Variants in MARK2 observed in about 807,000 individuals in gnomAD.
MARK2 encodes microtubule affinity regulating kinase 2, also known as serine/threonine-protein kinase MARK2.
In MARK2, 16 loss-of-function variants were observed where a neutral mutation model predicts 89.8. The ratio of observed to expected loss-of-function variants is 0.18; its 90% confidence interval spans 0.12 to 0.27. MARK2 has a LOEUF of 0.27. Ranked by LOEUF, MARK2 falls within the 10% of genes least tolerant of loss-of-function variation. MARK2 has a pLI of 1.00. For synonymous variants in MARK2, 382 were observed against 399.5 expected (o/e 0.96, Z 0.52); for missense variants, 621 against 1,049.9 (o/e 0.59, Z 5.65).
chr11:63,839,587 T>G (rs1454772098), intron 1 of MARK2, 27 bp downstream of exon 1: 9 of 1,465,134 alleles, frequency 6.1e-6, no homozygotes, highest in Non-Finnish European at 7.4e-6. Context: ...GCTCCCCGAA[T>G]TCTCTGGCTG....
intron 1 of MARK2, 41 bp downstream of exon 1, chr11:63,839,601 C>T: frequency 7.7e-7 from 1 of 1,305,738 alleles, no homozygotes; most frequent in South Asian, 1.3e-5. Flanking sequence ...CTGGCTGGGC[C>T]CTTTGCACCT....
intron 1 of MARK2, among the ~76,000 whole-genome samples, chr11:63,848,613 C>T (rs1399718152): frequency 2.7e-5 from 4 of 150,652 alleles, no homozygotes; most frequent in South Asian, 2.1e-4. Flanking sequence ...TGCAGTGGCG[C>T]GATCTCAGCT....
At position 63,904,237 on chromosome 11, in the gene MARK2, C is replaced by T; in HGVS notation, c.1676+90C>T. ...AATTTCTTCTTCCCACTTGGGGGTCCTGCTGTGTTCTTGTCATCTTAGCCA... is the reference window on the plus strand; with the variant it reads ...AATTTCTTCTTCCCACTTGGGGGTCTTGCTGTGTTCTTGTCATCTTAGCCA... On this transcript the variant is annotated intron_variant, in intron 15 of 18. Coordinates refer to ENST00000402010, the MANE Select transcript of MARK2 (RefSeq NM_001039469.3). This position sits in a 1 kb window ranked among gnomAD's most constrained non-coding sequence, Gnocchi z 6.3. 2 of 1,180,028 alleles carry T rather than the reference C, an allele frequency of 1.7e-6. No homozygotes were observed. Among genetic ancestry groups the T allele is most frequent in the Non-Finnish European group, 2.3e-6 (2 of 860,098 alleles). 73.1% of individuals were successfully genotyped at this position (1,180,028 alleles called of 1,614,324 possible).
chr11:63,850,531 A>G (rs2016523140), intron 1 of MARK2, among the ~76,000 whole-genome samples: 1 of 151,800 alleles, frequency 6.6e-6, no homozygotes, highest in South Asian at 2.1e-4. Flanking sequence ...AGATTCATGT[A>G]CTTCTGAGAA....
At chr11:63,908,732 C>T (rs867764903) in intron 18 of MARK2, 145 bp from the exon 19 acceptor site, 31 of 732,190 alleles carry the variant, frequency 4.2e-5, no homozygotes, top group Middle Eastern at 8.3e-4. Flanking sequence ...TGCCACCCTC[C>T]GCCCCCGCAG....
At chr11:63,908,397 C>T (rs1297536512) in intron 18 of MARK2, 93 bp downstream of exon 18, 1 of 1,100,684 alleles carries the variant, frequency 9.1e-7, no homozygotes, top group Non-Finnish European at 1.3e-6. Context: ...TTGGCTCTTC[C>T]TCCCGTGGTT....
chr11:63,876,787 C>A (rs1167579709), intron 1 of MARK2, among the ~76,000 whole-genome samples: 2 of 152,208 alleles, frequency 1.3e-5, no homozygotes, highest in Non-Finnish European at 1.5e-5. Flanking sequence ...TCCTTCAAAA[C>A]ACCCAGCATT....
At chr11:63,856,991 T>G (rs1160154677) in intron 1 of MARK2, among the ~76,000 whole-genome samples, 1 of 151,428 alleles carries the variant, frequency 6.6e-6, no homozygotes, top group African/African-American at 2.4e-5. Context: ...TTTTGTATTT[T>G]TATTAGAGAT....
rs1040059562 is a variant in MARK2, at chr11:63,904,446, T to C, written c.1676+299T>C. Reference sequence around the variant, plus strand: ...TTAGGGACCCCGGGGATAGTCGGCATCACAGGGACTCAATCCTCAAGGGTT... The same window carrying C: ...TTAGGGACCCCGGGGATAGTCGGCACCACAGGGACTCAATCCTCAAGGGTT... On this transcript the variant is annotated intron_variant, in intron 15 of 18. Coordinates refer to ENST00000402010, the MANE Select transcript of MARK2 (RefSeq NM_001039469.3). This position sits in a 1 kb window ranked among gnomAD's most constrained non-coding sequence, Gnocchi z 6.3. Among the ~76,000 whole-genome samples, 4 of 152,132 alleles carry C rather than the reference T, an allele frequency of 2.6e-5. No individual in the cohort carries two copies. The highest frequency in any genetic ancestry group is 4.8e-5 in the African/African-American group (2 of 41,412).
chr11:63,898,099 A>T (rs1940565964), intron 3 of MARK2, 133 bp from the exon 4 acceptor site: 2 of 734,680 alleles, frequency 2.7e-6, no homozygotes, highest in African/African-American at 3.5e-5. Context: ...TGCATGAGCT[A>T]GACAACCACC....
At chr11:63,878,251 C>T (rs1002983430) in intron 1 of MARK2, among the ~76,000 whole-genome samples, 2 of 151,988 alleles carry the variant, frequency 1.3e-5, no homozygotes, top group Non-Finnish European at 2.9e-5. Context: ...AAATTCTTTT[C>T]CTCCAGCCTC....
At chr11:63,849,169 A>G (rs2016435801) in intron 1 of MARK2, among the ~76,000 whole-genome samples, 2 of 152,032 alleles carry the variant, frequency 1.3e-5, no homozygotes, top group Admixed American at 6.6e-5. Flanking sequence ...GGCCCCCTCA[A>G]CCTTCTGGAC....
chr11:63,876,391 C>G lies in MARK2; in HGVS notation c.55-18768C>G, dbSNP rs1402205442. ...AAAGGATATGTAATTATAGAAATAACCAGCATGTCGCCAGGCATTGTTGTC... is the reference window on the plus strand; with the variant it reads ...AAAGGATATGTAATTATAGAAATAAGCAGCATGTCGCCAGGCATTGTTGTC... On this transcript the variant is annotated intron_variant, in intron 1 of 18. Coordinates refer to ENST00000402010, the MANE Select transcript of MARK2 (RefSeq NM_001039469.3). Among the ~76,000 whole-genome samples the G allele has an allele frequency of 3.3e-5, 5 of 152,222 alleles. No homozygotes were observed. The East Asian group carries it at 9.6e-4, about 29-fold the overall frequency.
At chr11:63,888,807 T>C in intron 1 of MARK2, 1 of 1,279,568 alleles carries the variant, frequency 7.8e-7, no homozygotes, top group African/African-American at 1.5e-5. Flanking sequence ...AGGTGTCGCC[T>C]GCTCTGGCTG....
rs1156499388 is a variant in MARK2, at chr11:63,886,422, C to A, written c.55-8737C>A. ...TAAGGCATGAGCAACAGTGCTCAGC[C>A]CCGTGTGGCTTTTTTTTTTTGAGAC... is the stretch of plus-strand genomic sequence containing the variant. On this transcript the variant is annotated intron_variant, in intron 1 of 18. Coordinates refer to ENST00000402010, the MANE Select transcript of MARK2 (RefSeq NM_001039469.3). Among the ~76,000 whole-genome samples, 5 of 150,960 alleles carry A rather than the reference C, an allele frequency of 3.3e-5. No homozygotes were observed. The Admixed American group carries it at 3.3e-4, about 10-fold the overall frequency.
chr11:63,875,723 G>A (rs540238734), intron 1 of MARK2, among the ~76,000 whole-genome samples: 10 of 152,170 alleles, frequency 6.6e-5, no homozygotes, highest in African/African-American at 1.2e-4. Flanking sequence ...AAATCCCATC[G>A]TCCTAAACAG....
chr11:63,888,729 G>T lies in MARK2; in HGVS notation c.55-6430G>T, dbSNP rs958113401. ...TAGTGGTGGTTTCGGTTGCGACACC[G>T]TCCAGGTTCCCAGGCAGGAACCGCT... On this transcript the variant is annotated intron_variant, in intron 1 of 18. Transcript: ENST00000402010. 3 of 1,196,738 alleles carry T rather than the reference G, an allele frequency of 2.5e-6. No homozygotes were observed. In the Admixed American group the frequency reaches 1.1e-4, roughly 42 times the overall value. 74.1% of individuals were successfully genotyped at this position (1,196,738 alleles called of 1,614,324 possible).
chr11:63,851,532 C>T (rs2016572531), intron 1 of MARK2, among the ~76,000 whole-genome samples: 1 of 151,858 alleles, frequency 6.6e-6, no homozygotes. Context: ...TGTTTGGTTT[C>T]TTTGAACTCC....
At chr11:63,891,214 T>G (rs1939830053) in intron 1 of MARK2, among the ~76,000 whole-genome samples, 1 of 151,994 alleles carries the variant, frequency 6.6e-6, no homozygotes, top group Non-Finnish European at 1.5e-5. Context: ...TCTGCCTCCC[T>G]AAGTGCTGCC....
Sources: gnomAD v4.1 joint callset for allele counts (sites outside exome capture counted in the v4.1 genomes callset) on GRCh38, gnomAD v4.1.1 for gene constraint, Gnocchi (gnomAD v3.1) non-coding constraint, MANE v1.5 for transcripts, NCBI Gene and HGNC (gene_info 2026-07-23, HGNC 2026-07-21) for gene names.